The following ADGRF1 variants were observed in gnomAD, a reference collection of about 807,000 sequenced individuals.
ADGRF1 encodes the protein G protein-coupled receptor 110.
Under a neutral mutation model 87.2 loss-of-function variants are expected in ADGRF1, and 85 were observed. The observed-to-expected ratio is 0.97, with a 90% CI of 0.82 to 1.17. The LOEUF (loss-of-function observed/expected upper bound fraction) is 1.17. Among genes scored for constraint, ADGRF1 ranks in the 50% most tolerant of loss-of-function variants. The probability of loss-of-function intolerance (pLI) is 0.00; values close to 1 mark genes in which losing one functional copy is unlikely to be tolerated. For synonymous variants in ADGRF1, 430 were observed against 408.8 expected (o/e 1.05, Z -0.63); for missense variants, 1,169 against 1,077.2 (o/e 1.09, Z -1.19).
intron 1 of ADGRF1, among the ~76,000 whole-genome samples, chr6:47,039,005 A>G (rs1780666550): frequency 6.6e-6 from 1 of 152,218 alleles, no homozygotes; most frequent in South Asian, 2.1e-4. Flanking sequence ...TCTTTACCCA[A>G]AACTTTGCAG....
chr6:47,020,883 A>G, intron 6 of ADGRF1, 94 bp from the exon 7 acceptor site: 1 of 914,488 alleles, frequency 1.1e-6, no homozygotes, highest in East Asian at 2.5e-5. Context: ...TAAATAAATC[A>G]ACAGTAGCAA....
At chr6:47,030,149 A>G (rs1185269591) in intron 1 of ADGRF1, among the ~76,000 whole-genome samples, 2 of 152,154 alleles carry the variant, frequency 1.3e-5, no homozygotes, top group East Asian at 3.9e-4. Flanking sequence ...GCCACCCCAC[A>G]CTGCCCTCTA....
Position 47,024,264 on chromosome 6 carries a change from T to G in ADGRF1, c.278-47A>C. The G allele has an allele frequency of 2.3e-6, 3 of 1,320,654 alleles. No individual in the cohort carries two copies. In the South Asian group the frequency reaches 3.8e-5, roughly 17 times the overall value. 81.8% of individuals were successfully genotyped at this position (1,320,654 alleles called of 1,614,324 possible). A position where few individuals can be genotyped will look rare whatever the true frequency, so the allele number is the denominator to read the frequency against. On this transcript the variant is annotated intron_variant, in intron 4 of 14. Coordinates refer to ENST00000371253, the MANE Select transcript of ADGRF1 (RefSeq NM_153840.4). ...GTCTCATGGATTCTGGTTTATAAACTGACTACTGCTGAGCAGTGATTTTAT... is the reference window on the plus strand; with the variant it reads ...GTCTCATGGATTCTGGTTTATAAACGGACTACTGCTGAGCAGTGATTTTAT...
chr6:47,016,517 T>G, intron 8 of ADGRF1, 100 bp downstream of exon 8: 1 of 1,322,362 alleles, frequency 7.6e-7, no homozygotes. Flanking sequence ...AGAGAACAAT[T>G]CGTTATTCAA....
intron 1 of ADGRF1, among the ~76,000 whole-genome samples, chr6:47,034,173 C>T (rs147961153): frequency 3.9e-5 from 6 of 152,284 alleles, no homozygotes; most frequent in African/African-American, 1.2e-4. Context: ...CTCCTTTATA[C>T]AGTAAGAGGA....
intron 1 of ADGRF1, among the ~76,000 whole-genome samples, chr6:47,031,059 G>C (rs181702562): frequency 5.9e-5 from 9 of 152,138 alleles, no homozygotes; most frequent in Non-Finnish European, 8.8e-5. Flanking sequence ...CACCATGCCC[G>C]GCCACTTTTT....
At chr6:47,016,081 G>A (rs1187641096) in intron 8 of ADGRF1, among the ~76,000 whole-genome samples, 1 of 152,152 alleles carries the variant, frequency 6.6e-6, no homozygotes, top group Non-Finnish European at 1.5e-5. Flanking sequence ...TGCATTTTAA[G>A]TGTCTAGACA....
At chr6:47,036,695 A>C (rs1780597947) in intron 1 of ADGRF1, among the ~76,000 whole-genome samples, 1 of 152,210 alleles carries the variant, frequency 6.6e-6, no homozygotes, top group South Asian at 2.1e-4. Flanking sequence ...CTAATTCTTT[A>C]TGTTTCCCTT....
intron 1 of ADGRF1, among the ~76,000 whole-genome samples, chr6:47,036,975 C>T (rs1780605939): frequency 4.6e-5 from 7 of 152,246 alleles, no homozygotes; most frequent in Middle Eastern, 3.4e-3. Context: ...ATCTGAATTC[C>T]AGGCAAACCA....
chr6:47,039,782 T>C (rs1780684568), intron 1 of ADGRF1, among the ~76,000 whole-genome samples: 1 of 151,894 alleles, frequency 6.6e-6, no homozygotes, highest in South Asian at 2.1e-4. Flanking sequence ...GCCAATATAG[T>C]GAAACTCTGT....
chr6:47,021,683 A>G (rs1046558800), intron 6 of ADGRF1, among the ~76,000 whole-genome samples: 1 of 152,170 alleles, frequency 6.6e-6, no homozygotes, highest in Admixed American at 6.5e-5. Context: ...TTATAAAAAA[A>G]TTAAAAGAGA....
Position 47,019,090 on chromosome 6 carries a change from G to A in ADGRF1, c.611+1641C>T, listed in dbSNP as rs561786157. On this transcript the variant is annotated intron_variant, in intron 7 of 14. Coordinates refer to ENST00000371253, the MANE Select transcript of ADGRF1 (RefSeq NM_153840.4). ...CCCCATATTGAAACAAAATGAAACA[G>A]AACAAAAGTAAAAAGTTGTAGTTTA... 199 of 193,242 alleles carry A rather than the reference G, an allele frequency of 1.0e-3. 1 individual carries two copies. The highest frequency in any genetic ancestry group is 4.3e-3 in the African/African-American group (181 of 42,294). 12.0% of individuals were successfully genotyped at this position (193,242 alleles called of 1,614,324 possible). A position where few individuals can be genotyped will look rare whatever the true frequency, so the allele number is the denominator to read the frequency against.
At position 47,009,663 on chromosome 6, in the gene ADGRF1, A is replaced by T. The variant is rs762367979; in HGVS notation, c.1772T>A (p.Val591Glu). 6.2e-7 allele frequency: 1 copy of T among 1,614,226 alleles called. No individual in the cohort carries two copies. The stretch of plus-strand genomic sequence containing the variant: ...ACTTCCAATGGAGATACCCAGTCCC[A>T]CATAGGTGATCCATTTTACAACGGG... ...IFPVVKWITY[V>E]GLGISIGSLI... is the part of the protein sequence containing the mutation. Residue 591 changes from valine to glutamate, a missense_variant, in exon 11 of 15, where the codon GTG (valine) becomes GAG (glutamate). Physicochemically the swap from Val to Glu is moderately radical, Grantham distance 121 (BLOSUM62 -2). Coordinates refer to ENST00000371253, the MANE Select transcript of ADGRF1 (RefSeq NM_153840.4).
intron 2 of ADGRF1, among the ~76,000 whole-genome samples, chr6:47,028,486 G>A (rs763087015): frequency 2.6e-5 from 4 of 152,200 alleles, no homozygotes; most frequent in Non-Finnish European, 4.4e-5. Flanking sequence ...AAGTTCCGAG[G>A]TCCGCTGGAT....
intron 8 of ADGRF1, among the ~76,000 whole-genome samples, chr6:47,015,135 A>C (rs2113887116): frequency 6.6e-6 from 1 of 152,306 alleles, no homozygotes; most frequent in Non-Finnish European, 1.5e-5. Flanking sequence ...ATTAGGTGAT[A>C]ATAAGGAAAG....
At chr6:47,020,311 G>A in intron 7 of ADGRF1, 1 of 962,080 alleles carries the variant, frequency 1.0e-6, no homozygotes. Context: ...TGGCCAACAT[G>A]GTGAAACCCT....
intron 10 of ADGRF1, 45 bp downstream of exon 10, chr6:47,011,962 G>A (rs778409893): frequency 3.1e-5 from 48 of 1,550,410 alleles, no homozygotes; most frequent in East Asian, 2.3e-5. Flanking sequence ...CCTCCTACAG[G>A]ATCAAGCATT....
chr6:47,020,553 G>T lies in ADGRF1; in HGVS notation c.611+178C>A, dbSNP rs563485107. ...TAAACTCATTTAAGTGAGAATCTAGGCTTTACTCTTCAGACTTTTTAAAGC... is the reference window on the plus strand; with the variant it reads ...TAAACTCATTTAAGTGAGAATCTAGTCTTTACTCTTCAGACTTTTTAAAGC... On this transcript the variant is annotated intron_variant, in intron 7 of 14. Transcript: ENST00000371253. 627 of 1,508,072 alleles carry T rather than the reference G, an allele frequency of 4.2e-4. 1 individual carries two copies. Among genetic ancestry groups the T allele is most frequent in the Non-Finnish European group, 5.4e-4 (608 of 1,136,366 alleles). 93.4% of individuals were successfully genotyped at this position (1,508,072 alleles called of 1,614,324 possible).
At position 47,012,064 on chromosome 6, in the gene ADGRF1, G is replaced by A; in HGVS notation, c.1059C>T (p.Ser353=). The A allele has an allele frequency of 6.2e-7, 1 of 1,614,076 alleles. No individual in the cohort carries two copies. The highest frequency in any genetic ancestry group is 8.5e-7 in the Non-Finnish European group (1 of 1,179,976). ...GNLASVVSIL[S]NISSLSLASH... Reference sequence around the variant, plus strand: ...TGGCCAGTGACAGAGATGAAATATTGCTCAGAATCGACACCACCGAAGCCA... The same window carrying A: ...TGGCCAGTGACAGAGATGAAATATTACTCAGAATCGACACCACCGAAGCCA... The change falls in exon 10 of 15, where the codon AGC becomes AGT. Residue 353 remains serine (S), a synonymous_variant. Coordinates refer to ENST00000371253, the MANE Select transcript of ADGRF1 (RefSeq NM_153840.4).
Sources: gnomAD v4.1 joint callset for allele counts (sites outside exome capture counted in the v4.1 genomes callset) on GRCh38, gnomAD v4.1.1 for gene constraint, MANE v1.5 for transcripts, NCBI Gene and HGNC (gene_info 2026-07-23, HGNC 2026-07-21) for gene names.